ANKRD30A: variants seen among roughly 807,000 people sequenced by gnomAD.
ANKRD30A encodes the protein ankyrin repeat domain-containing protein 30A.
A neutral mutation model predicts 166.3 loss-of-function variants in ANKRD30A; 170 were observed. The observed-to-expected ratio is 1.02, with a 90% CI of 0.90 to 1.16. The LOEUF is 1.16. Among genes scored for constraint, ANKRD30A ranks in the 50% most tolerant of loss-of-function variants. ANKRD30A has a pLI of 0.00. For synonymous variants in ANKRD30A, 564 were observed against 508.9 expected, an observed-to-expected ratio of 1.11 and a Z score of -1.46; for missense variants, 1,630 against 1,518.0, an observed-to-expected ratio of 1.07 and a Z score of -1.23.
At chr10:37,256,574 G>A in the ANKRD30A span, among the ~76,000 whole-genome samples, 4 of 152,156 alleles carry the variant, frequency 2.6e-5, no homozygotes, top group Non-Finnish European at 4.4e-5. Flanking sequence ...AAAATAGACT[G>A]TAAGTAAACA....
chr10:37,245,699 A>G, the ANKRD30A span, among the ~76,000 whole-genome samples: 1 of 151,994 alleles, frequency 6.6e-6, no homozygotes, highest in East Asian at 1.9e-4. Context: ...TCCTCTGCTC[A>G]GTCTTATCTG....
intron 27 of ANKRD30A, among the ~76,000 whole-genome samples, chr10:37,195,896 G>T (rs1254374277): frequency 3.9e-5 from 6 of 152,100 alleles, no homozygotes; most frequent in East Asian, 3.9e-4. Flanking sequence ...AGACATAACA[G>T]GGTCAAGAGA....
chr10:37,212,621 C>T (rs1039739500), intron 31 of ANKRD30A, among the ~76,000 whole-genome samples: 1 of 151,986 alleles, frequency 6.6e-6, no homozygotes, highest in Admixed American at 6.6e-5. Flanking sequence ...TCAAACTATA[C>T]CACAAGGCTA....
chr10:37,179,200 T>G (rs1840006689), intron 24 of ANKRD30A, among the ~76,000 whole-genome samples: 1 of 150,858 alleles, frequency 6.6e-6, no homozygotes, highest in African/African-American at 2.4e-5. Flanking sequence ...CATTAGTAAA[T>G]AACATGCTAC....
chr10:37,162,829 T>A lies in ANKRD30A; in HGVS notation c.1983T>A (p.Asn661Lys). Residue 661 changes from asparagine (N) to lysine (K), a missense_variant, in exon 17 of 36, where the codon AAT becomes AAA. By Grantham distance (94) the Asn-to-Lys change is moderately conservative. Around this residue, in one of 4 missense-constraint regions of ANKRD30A, gnomAD observed 904 missense variants for 818.5 expected, o/e 1.10. Transcript: ENST00000361713. ...SVPNKALELK[N>K]EQTLRADEIL... Reference sequence around the variant, plus strand: ...CAAATAAAGCCTTGGAATTGAAAAATGAACAAACATTGAGAGCAGGTAAAT... The same window carrying A: ...CAAATAAAGCCTTGGAATTGAAAAAAGAACAAACATTGAGAGCAGGTAAAT... The A allele has an allele frequency of 6.2e-7, 1 of 1,613,548 alleles. No individual in the cohort carries two copies. Among genetic ancestry groups the A allele is most frequent in the East Asian group, 2.2e-5 (1 of 44,850 alleles).
At chr10:37,207,618 A>G (rs1034903744) in intron 31 of ANKRD30A, among the ~76,000 whole-genome samples, 1 of 151,788 alleles carries the variant, frequency 6.6e-6, no homozygotes, top group East Asian at 1.9e-4. Context: ...TAGGTCACTT[A>G]TGGCTATTAT....
At chr10:37,165,708 G>A (rs1052556048) in intron 18 of ANKRD30A, among the ~76,000 whole-genome samples, 2 of 152,104 alleles carry the variant, frequency 1.3e-5, no homozygotes, top group African/African-American at 2.4e-5. Flanking sequence ...AAGAGTATTG[G>A]TTGAGTAGTC....
chr10:37,154,620 T>A (rs1243836285), intron 13 of ANKRD30A, among the ~76,000 whole-genome samples: 2 of 151,780 alleles, frequency 1.3e-5, no homozygotes, highest in African/African-American at 2.4e-5. Context: ...GGGAAAAAAA[T>A]TTTCACAGGT....
intron 31 of ANKRD30A, among the ~76,000 whole-genome samples, chr10:37,202,850 C>T (rs1169980696): frequency 6.6e-6 from 1 of 152,266 alleles, no homozygotes; most frequent in East Asian, 1.9e-4. Context: ...TCAGAGAATA[C>T]TATAAACACC....
intron 7 of ANKRD30A, among the ~76,000 whole-genome samples, chr10:37,142,853 G>A (rs2132536016): frequency 6.6e-6 from 1 of 152,172 alleles, no homozygotes; most frequent in Non-Finnish European, 1.5e-5. Flanking sequence ...AAAGTGCTGG[G>A]AATTCAGGTG....
downstream of ANKRD30A, among the ~76,000 whole-genome samples, chr10:37,235,915 G>A (rs538297058): frequency 2.0e-5 from 3 of 151,766 alleles, no homozygotes; most frequent in Admixed American, 1.3e-4. Context: ...GACTACAGGC[G>A]CCCGCCACCA....
At chr10:37,139,897 G>A (rs772285512) in intron 6 of ANKRD30A, among the ~76,000 whole-genome samples, 1 of 152,140 alleles carries the variant, frequency 6.6e-6, no homozygotes, top group African/African-American at 2.4e-5. Context: ...CCCCCATGCA[G>A]CTGAAAATCT....
chr10:37,161,027 G>A (rs546724214), intron 15 of ANKRD30A, among the ~76,000 whole-genome samples: 1 of 152,344 alleles, frequency 6.6e-6, no homozygotes, highest in African/African-American at 2.4e-5. Flanking sequence ...GCCGTGACTG[G>A]CAGATCACGA....
chr10:37,209,780 T>C (rs1842185633), intron 31 of ANKRD30A, among the ~76,000 whole-genome samples: 1 of 152,152 alleles, frequency 6.6e-6, no homozygotes, highest in Non-Finnish European at 1.5e-5. Context: ...TCTTCTTTTA[T>C]ATATTTAGGG....
intron 13 of ANKRD30A, among the ~76,000 whole-genome samples, chr10:37,154,533 T>C (rs1381227306): frequency 6.6e-6 from 1 of 152,040 alleles, no homozygotes; most frequent in Admixed American, 6.6e-5. Context: ...ATGTTTTTAG[T>C]CAGGGGAGAA....
chr10:37,162,055 C>G (rs1260175146), intron 15 of ANKRD30A, among the ~76,000 whole-genome samples: 3 of 151,984 alleles, frequency 2.0e-5, no homozygotes, highest in Admixed American at 6.6e-5. Flanking sequence ...TTTTACACAT[C>G]TTCTTGCATG....
chr10:37,161,669 G>T (rs566955247), intron 15 of ANKRD30A, among the ~76,000 whole-genome samples: 1 of 152,046 alleles, frequency 6.6e-6, no homozygotes, highest in Non-Finnish European at 1.5e-5. Flanking sequence ...AGAATTGGGG[G>T]AACCACAGTG....
chr10:37,155,116 T>C (rs1463908636), intron 13 of ANKRD30A, among the ~76,000 whole-genome samples: 2 of 152,206 alleles, frequency 1.3e-5, no homozygotes, highest in Non-Finnish European at 1.5e-5. Context: ...ATTTATGACT[T>C]GAATACTTAA....
Position 37,147,438 on chromosome 10 carries a change from G to A in ANKRD30A, c.1524G>A (p.Glu508=). Residue 508 remains glutamate (E), a synonymous_variant, in exon 9 of 36, where the codon GAG becomes GAA. Transcript: ENST00000361713. ...IPESIYQKVM[E]INREVEEPPK... Reference sequence around the variant, plus strand: ...AGTCTATATATCAAAAAGTAATGGAGATAAATAGAGAAGTAGAAGGTAAGA... The same window carrying A: ...AGTCTATATATCAAAAAGTAATGGAAATAAATAGAGAAGTAGAAGGTAAGA... The A allele has an allele frequency of 1.3e-6, 2 of 1,583,672 alleles. No individual in the cohort carries two copies. Among genetic ancestry groups the A allele is most frequent in the Admixed American group, 1.9e-5 (1 of 53,616 alleles).
Sources: gnomAD v4.1 joint callset for allele counts (sites outside exome capture counted in the v4.1 genomes callset) on GRCh38, gnomAD v4.1.1 for gene constraint, gnomAD v4.1.1 regional missense constraint, MANE v1.5 for transcripts, NCBI Gene and HGNC (gene_info 2026-07-23, HGNC 2026-07-21) for gene names.